COPA: variants seen among roughly 807,000 people sequenced by gnomAD.
COPA encodes coatomer subunit alpha.
Under a neutral mutation model 158.7 loss-of-function variants are expected in COPA, and 10 were observed. That is an observed-to-expected ratio of 0.06 (90% CI 0.04 to 0.11). The LOEUF (loss-of-function observed/expected upper bound fraction) is 0.11, where lower values mean the gene tolerates loss of function less well. COPA is among the 10% of genes least tolerant of loss of function. COPA has a pLI of 1.00. For synonymous variants in COPA, 462 were observed against 542.8 expected (o/e 0.85, Z 2.07); for missense variants, 1,065 against 1,536.7 (o/e 0.69, Z 5.13).
intron 11 of COPA, 34 bp downstream of exon 11, chr1:160,311,834 G>C: frequency 6.3e-7 from 1 of 1,588,758 alleles, no homozygotes; most frequent in Non-Finnish European, 8.6e-7. Context: ...TGACAGATGA[G>C]AGGGTTTGGA....
chr1:160,307,368 CCTAA>C (rs979002519), intron 13 of COPA, 123 bp from the exon 14 acceptor site: 1 of 865,656 alleles, frequency 1.2e-6, no homozygotes, highest in Non-Finnish European at 1.9e-6. Context: ...TGAGCTGCTT[CCTAA>C]CTAATTCAGC....
intron 8 of COPA, among the ~76,000 whole-genome samples, 199 bp downstream of exon 8, chr1:160,323,232 A>C (rs1659385238): frequency 6.6e-6 from 1 of 152,112 alleles, no homozygotes; most frequent in Non-Finnish European, 1.5e-5. Context: ...ATATAAATAT[A>C]TTTATTACCA....
intron 8 of COPA, among the ~76,000 whole-genome samples, chr1:160,322,920 T>C (rs1290223487): frequency 1.3e-5 from 2 of 151,864 alleles, no homozygotes; most frequent in African/African-American, 2.4e-5. Context: ...CTATTTACAA[T>C]AGCCAAAATA....
intron 14 of COPA, among the ~76,000 whole-genome samples, 184 bp downstream of exon 14, chr1:160,306,979 A>G (rs916136432): frequency 2.6e-5 from 4 of 152,178 alleles, no homozygotes; most frequent in African/African-American, 9.7e-5. Context: ...AACCCAATCA[A>G]ATCAGTTTTA....
chr1:160,303,661 C>G (rs1414722442), intron 17 of COPA, among the ~76,000 whole-genome samples: 1 of 151,968 alleles, frequency 6.6e-6, no homozygotes, highest in Non-Finnish European at 1.5e-5. Context: ...AACCTAATAT[C>G]CATAAAAGAT....
intron 17 of COPA, 27 bp downstream of exon 17, chr1:160,305,406 A>T (rs1379579640): frequency 6.2e-7 from 1 of 1,609,920 alleles, no homozygotes; most frequent in Non-Finnish European, 8.5e-7. Flanking sequence ...GTCTTCTCCC[A>T]TTCTGTATCC....
Position 160,290,172 on chromosome 1 carries a change from A to G in COPA, c.3660T>C (p.Pro1220=). 1.2e-6 allele frequency: 2 copies of G among 1,614,184 alleles called. No individual in the cohort carries two copies. Among genetic ancestry groups the G allele is most frequent in the Non-Finnish European group, 1.7e-6 (2 of 1,180,018 alleles). The change falls in exon 33 of 33, where the codon CCT becomes CCC. Residue 1220 remains proline (P), a synonymous_variant. Transcript: ENST00000241704. ...GKDVIGLRIS[P]LQFR The stretch of plus-strand genomic sequence containing the variant: ...AAAGGGGGCCTTAGCGAAACTGCAG[A>G]GGACTGATCCTTAAACCAATCACAT...
rs182547963 is a variant in COPA at position 160,291,770 on chromosome 1, G to A, written c.3258+49C>T. 6.4e-6 allele frequency: 10 copies of A among 1,564,014 alleles called. No individual in the cohort carries two copies. In the Middle Eastern group the frequency reaches 5.0e-4, roughly 79 times the overall value. ...ATTAAAGAATTCAAACCTAGTGAAG[G>A]GTGAAGGGAAGGACGTCTCTGTTGT... On this transcript the variant is annotated intron_variant, in intron 30 of 32. Coordinates refer to ENST00000241704, the MANE Select transcript of COPA (RefSeq NM_004371.4).
intron 17 of COPA, 133 bp from the exon 18 acceptor site, chr1:160,299,397 A>G (rs1477121129): frequency 1.1e-6 from 1 of 886,398 alleles, no homozygotes; most frequent in Non-Finnish European, 1.7e-6. Flanking sequence ...TGATTCAAAA[A>G]AGAGCAGAAC....
chr1:160,309,056 GA>G (rs1400867228), intron 13 of COPA, 44 bp downstream of exon 13: 3 of 1,459,244 alleles, frequency 2.1e-6, no homozygotes, highest in Non-Finnish European at 2.9e-6. Flanking sequence ...TGATGCGGGT[GA>G]GGAGAGCTGG....
intron 6 of COPA, among the ~76,000 whole-genome samples, chr1:160,329,000 GAACT>G (rs1379993473): frequency 6.6e-6 from 1 of 152,132 alleles, no homozygotes; most frequent in African/African-American, 2.4e-5. Flanking sequence ...CTCTCATTCA[GAACT>G]AACTTCTCCC....
intron 8 of COPA, among the ~76,000 whole-genome samples, chr1:160,322,032 C>T (rs1368115153): frequency 1.3e-5 from 2 of 152,070 alleles, no homozygotes; most frequent in African/African-American, 4.8e-5. Context: ...GGGTAAATTA[C>T]TACCTAAAGT....
chr1:160,310,460 G>A (rs1011930993), intron 11 of COPA: 1 of 375,258 alleles, frequency 2.7e-6, no homozygotes, highest in Admixed American at 4.7e-5. Flanking sequence ...TGAACAAACA[G>A]TTTTAAAAAG....
chr1:160,297,825 C>A, intron 19 of COPA, 80 bp from the exon 20 acceptor site: 1 of 1,408,016 alleles, frequency 7.1e-7, no homozygotes, highest in African/African-American at 1.4e-5. Flanking sequence ...GCATCTGCAT[C>A]TATATAGATT....
In COPA at chr1:160,290,140, T is replaced by G; in HGVS notation, c.*17A>C. 6.2e-7 allele frequency: 1 copy of G among 1,613,574 alleles called. No homozygotes were observed. Among genetic ancestry groups the G allele is most frequent in the Non-Finnish European group, 8.5e-7 (1 of 1,179,568 alleles). On this transcript the variant is annotated 3_prime_UTR_variant, in exon 33 of 33. Coordinates refer to ENST00000241704, the MANE Select transcript of COPA (RefSeq NM_004371.4). ...GGGGGAACATATGGTGACTGACCCA[T>G]GCACACAAAGGGGGCCTTAGCGAAA...
intron 11 of COPA, among the ~76,000 whole-genome samples, chr1:160,311,507 T>C (rs943200046): frequency 6.6e-6 from 1 of 151,936 alleles, no homozygotes; most frequent in African/African-American, 2.4e-5. Context: ...CCCAGCACTT[T>C]GGGAGGCCAA....
chr1:160,300,618 ATTACT>A (rs1240121249), intron 17 of COPA, among the ~76,000 whole-genome samples: 1 of 152,124 alleles, frequency 6.6e-6, no homozygotes, highest in African/African-American at 2.4e-5. Flanking sequence ...GAAAAAATAC[ATTACT>A]TTGCTTTATG....
In COPA at chr1:160,311,890, C is replaced by G; in HGVS notation, c.1054G>C (p.Val352Leu). Residue 352 changes from valine to leucine, a missense_variant, in exon 11 of 33, where the codon GTA becomes CTA. By Grantham distance (32) the Val-to-Leu change is conservative. Around this residue, in one of 2 missense-constraint regions of COPA, gnomAD observed 980 missense variants for 1,357.8 expected, o/e 0.72. Transcript: ENST00000241704. The stretch of plus-strand genomic sequence containing the variant: ...TACCTCCGCAACTGCATCACAGCTA[C>G]ATCTTTGGAGCTGTTGAAATCCAGC... ...RQLDFNSSKD[V>L]AVMQLRSGSK... The G allele has an allele frequency of 6.2e-7, 1 of 1,613,748 alleles. No homozygotes were observed. Among genetic ancestry groups the G allele is most frequent in the South Asian group, 1.1e-5 (1 of 91,026 alleles).
chr1:160,300,344 A>AAAATAAATAAAT (rs36034271), intron 17 of COPA, among the ~76,000 whole-genome samples: 329 of 138,932 alleles, frequency 2.4e-3, no homozygotes, highest in African/African-American at 2.9e-3. Flanking sequence ...ACTCCGACTC[A>AAAATAAATAAAT]AAATAAATAA....
Sources: allele counts gnomAD v4.1 joint callset (sites outside exome capture counted in the v4.1 genomes callset), GRCh38; gene constraint gnomAD v4.1.1; regional missense constraint gnomAD v4.1.1; transcripts MANE v1.5; gene names NCBI Gene and HGNC (gene_info 2026-07-23, HGNC 2026-07-21).